Variants in MFHAS1 observed in about 807,000 individuals in gnomAD.
MFHAS1 encodes malignant fibrous histiocytoma-amplified sequence 1.
MFHAS1 carries 50 observed loss-of-function variants against 70.4 expected under a neutral mutation model. That is an observed-to-expected ratio of 0.71 (90% CI 0.57 to 0.90). MFHAS1 has a LOEUF of 0.90. Among genes scored for constraint, MFHAS1 ranks in the 40% least tolerant of loss-of-function variants. MFHAS1 has a pLI of 0.00. For synonymous variants in MFHAS1, 952 were observed against 620.0 expected (o/e 1.54, Z -7.96); for missense variants, 1,795 against 1,347.6 (o/e 1.33, Z -5.20).
At chr8:8,794,183 C>G (rs1012990957) in intron 2 of MFHAS1, among the ~76,000 whole-genome samples, 2 of 151,540 alleles carry the variant, frequency 1.3e-5, no homozygotes, top group African/African-American at 4.8e-5. Context: ...GAGTGAGACC[C>G]TTTGTCAAAA....
intron 1 of MFHAS1, chr8:8,822,160 G>A (rs992743124): frequency 6.6e-6 from 1 of 152,506 alleles, no homozygotes; most frequent in South Asian, 2.1e-4. Context: ...GGCAGGCTGA[G>A]AGGAGCTGAA....
At chr8:8,833,328 T>C (rs889392281) in intron 1 of MFHAS1, among the ~76,000 whole-genome samples, 1 of 152,174 alleles carries the variant, frequency 6.6e-6, no homozygotes, top group African/African-American at 2.4e-5. Context: ...ATTTGGCAGC[T>C]TCCTATAAAG....
At chr8:8,869,722 G>T (rs536444594) in intron 1 of MFHAS1, among the ~76,000 whole-genome samples, 1 of 152,046 alleles carries the variant, frequency 6.6e-6, no homozygotes, top group African/African-American at 2.4e-5. Flanking sequence ...TCTTCTTCCC[G>T]CTGTGGTTAA....
In MFHAS1 at chr8:8,843,282, A is replaced by AAAAAAAAAG. The variant is rs1224135414; in HGVS notation, c.2999-45792_2999-45791insCTTTTTTTT. ...CAGAGCGAGACTCCGTCTCAAAAAAAAAAAAAGAAAGCGAAAGAGGGCCAG... is the reference window on the plus strand; with the variant it reads ...CAGAGCGAGACTCCGTCTCAAAAAAAAAAAAAAAGAAAAAAGAAAGCGAAAGAGGGCCAG... On this transcript the variant is annotated intron_variant, in intron 1 of 2. Coordinates refer to ENST00000276282, the MANE Select transcript of MFHAS1 (RefSeq NM_004225.3). 3.1e-3 allele frequency among the ~76,000 whole-genome samples: 476 copies of AAAAAAAAAG among 151,740 alleles called. 3 individuals are homozygous for AAAAAAAAAG. Among genetic ancestry groups the AAAAAAAAAG allele is most frequent in the Middle Eastern group, 6.9e-3 (2 of 290 alleles).
At chr8:8,856,398 A>AAGT (rs1302867350) in intron 1 of MFHAS1, among the ~76,000 whole-genome samples, 2 of 152,172 alleles carry the variant, frequency 1.3e-5, no homozygotes, top group African/African-American at 2.4e-5. Context: ...AGATCAAACA[A>AAGT]AGTAGGACGC....
At chr8:8,840,314 A>C (rs1484899607) in intron 1 of MFHAS1, among the ~76,000 whole-genome samples, 3 of 152,120 alleles carry the variant, frequency 2.0e-5, no homozygotes, top group Non-Finnish European at 4.4e-5. Flanking sequence ...AAAATTAGCC[A>C]GGTATGGTGG....
intron 1 of MFHAS1, among the ~76,000 whole-genome samples, chr8:8,812,248 C>T (rs17154792): frequency 1.3e-5 from 2 of 151,884 alleles, no homozygotes; most frequent in Non-Finnish European, 2.9e-5. Context: ...GGCAGAGATA[C>T]GAAGAATCAT....
intron 1 of MFHAS1, among the ~76,000 whole-genome samples, chr8:8,828,142 A>G (rs1243759176): frequency 6.6e-6 from 1 of 152,232 alleles, no homozygotes; most frequent in East Asian, 1.9e-4. Context: ...AGAATGTTTC[A>G]GTGAATGATG....
At chr8:8,852,454 G>C (rs1808282302) in intron 1 of MFHAS1, among the ~76,000 whole-genome samples, 1 of 148,592 alleles carries the variant, frequency 6.7e-6, no homozygotes, top group Non-Finnish European at 1.5e-5. Flanking sequence ...AAGCAACAAA[G>C]CGAGACCCTC....
rs776625756 is a variant in MFHAS1 at position 8,891,293 on chromosome 8, G to A, written c.1766C>T (p.Ala589Val). 12 of 1,611,500 alleles carry A rather than the reference G, an allele frequency of 7.4e-6. No individual in the cohort carries two copies. The Admixed American group carries it at 1.7e-4, about 22-fold the overall frequency. ...ALARDFELRS[A>V]SPHAAYYGVS... is the part of the protein sequence containing the mutation. ...GCCATAGTAGGCTGCGTGGGGGCTG[G>A]CAGAGCGCAGCTCGAAGTCCCGGGC... The change falls in exon 1 of 3, where the codon GCC (alanine) becomes GTC (valine). Residue 589 changes from alanine (A) to valine (V), a missense_variant. Ala to Val is a moderately conservative substitution (Grantham distance 64). Transcript: ENST00000276282. This position sits in a 1 kb window ranked among gnomAD's most constrained non-coding sequence, Gnocchi z 5.4.
At chr8:8,805,889 G>A (rs1421164117) in intron 1 of MFHAS1, among the ~76,000 whole-genome samples, 2 of 151,520 alleles carry the variant, frequency 1.3e-5, no homozygotes, top group Non-Finnish European at 2.9e-5. Flanking sequence ...GTAGAGATGG[G>A]GTTTTGCCAT....
intron 1 of MFHAS1, among the ~76,000 whole-genome samples, chr8:8,830,790 G>C (rs538751919): frequency 6.6e-6 from 1 of 152,152 alleles, no homozygotes; most frequent in African/African-American, 2.4e-5. Flanking sequence ...TAGAGGCGGA[G>C]TTTTGCCATG....
chr8:8,847,492 T>A (rs1293495736), intron 1 of MFHAS1, among the ~76,000 whole-genome samples: 1 of 152,020 alleles, frequency 6.6e-6, no homozygotes, highest in Non-Finnish European at 1.5e-5. Flanking sequence ...AGAAATATCT[T>A]AAGAAACAAA....
intron 1 of MFHAS1, among the ~76,000 whole-genome samples, chr8:8,862,495 A>G (rs868246362): frequency 5.3e-5 from 8 of 151,892 alleles, no homozygotes; most frequent in Middle Eastern, 6.8e-3. Context: ...TTAAATTTAG[A>G]TTAAGTTAAA....
intron 1 of MFHAS1, among the ~76,000 whole-genome samples, chr8:8,840,665 C>A (rs1014719808): frequency 2.0e-5 from 3 of 152,092 alleles, no homozygotes; most frequent in African/African-American, 4.8e-5. Flanking sequence ...TGGATGATCA[C>A]TTCTTCAACA....
chr8:8,845,683 G>A (rs1376265572), intron 1 of MFHAS1, among the ~76,000 whole-genome samples: 1 of 152,082 alleles, frequency 6.6e-6, no homozygotes, highest in Non-Finnish European at 1.5e-5. Flanking sequence ...TCTGAGATTT[G>A]TTAACAAAAG....
Position 8,890,745 on chromosome 8 carries a change from G to T in MFHAS1, c.2314C>A (p.Arg772=), listed in dbSNP as rs777896379. The T allele has an allele frequency of 6.2e-7, 1 of 1,613,532 alleles. No individual in the cohort carries two copies. The highest frequency in any genetic ancestry group is 1.3e-5 in the African/African-American group (1 of 74,940). Residue 772 remains arginine (R), a synonymous_variant, in exon 1 of 3, where the codon CGG becomes AGG. Coordinates refer to ENST00000276282, the MANE Select transcript of MFHAS1 (RefSeq NM_004225.3). Reference sequence around the variant, plus strand: ...AGCAGTTCCTGGCTGGGGGTGGACCGCGCCATGGGCGGGGAGCTTTCCCCC... The same window carrying T: ...AGCAGTTCCTGGCTGGGGGTGGACCTCGCCATGGGCGGGGAGCTTTCCCCC... ...AEGESSPPMA[R]STPSQELLRA... is the part of the protein sequence containing the mutation.
intron 1 of MFHAS1, among the ~76,000 whole-genome samples, chr8:8,807,291 C>T (rs985406501): frequency 6.6e-6 from 1 of 152,042 alleles, no homozygotes. Flanking sequence ...CGAATGTGAC[C>T]ACACCTGACA....
rs573378443 is a variant in MFHAS1, at chr8:8,796,791, C to T, written c.3125+574G>A. Among the ~76,000 whole-genome samples, 125 of 150,592 alleles carry T rather than the reference C, an allele frequency of 8.3e-4. 1 individual carries two copies. The highest frequency in any genetic ancestry group is 2.7e-3 in the African/African-American group (110 of 40,932). Reference sequence around the variant, plus strand: ...CGGGCGGATCCCGAGGTCAGGAGATCGAGATCATCCTGGCTAACAGGGTGA... The same window carrying T: ...CGGGCGGATCCCGAGGTCAGGAGATTGAGATCATCCTGGCTAACAGGGTGA... On this transcript the variant is annotated intron_variant, in intron 2 of 2. Coordinates refer to ENST00000276282, the MANE Select transcript of MFHAS1 (RefSeq NM_004225.3).
Sources: gnomAD v4.1 joint callset for allele counts (sites outside exome capture counted in the v4.1 genomes callset) on GRCh38, gnomAD v4.1.1 for gene constraint, Gnocchi (gnomAD v3.1) non-coding constraint, MANE v1.5 for transcripts, NCBI Gene and HGNC (gene_info 2026-07-23, HGNC 2026-07-21) for gene names.